FRYL: variants seen among roughly 807,000 people sequenced by gnomAD.
The protein encoded by FRYL is FRY like transcription coactivator, also known as protein furry homolog-like.
A neutral mutation model predicts 351.2 loss-of-function variants in FRYL; 150 were observed. The observed-to-expected ratio is 0.43, with a 90% confidence interval of 0.37 to 0.49. The LOEUF (loss-of-function observed/expected upper bound fraction) is 0.49, where lower values mean the gene tolerates loss of function less well. Ranked by LOEUF, FRYL falls within the 20% of genes least tolerant of loss-of-function variation. The pLI, the probability that FRYL is intolerant of heterozygous loss-of-function variation, is 0.00. For missense variants in FRYL, 3,036 were observed against 3,619.3 expected (o/e 0.84, Z 4.13); for synonymous variants, 1,153 against 1,257.1 (o/e 0.92, Z 1.75).
chr4:48,632,496 T>C (rs771483687), intron 4 of FRYL, among the ~76,000 whole-genome samples: 1 of 150,724 alleles, frequency 6.6e-6, no homozygotes, highest in Non-Finnish European at 1.5e-5. Context: ...ATCATGAACT[T>C]ATGCTATAGG....
chr4:48,664,313 G>A (rs1761351095), intron 3 of FRYL, among the ~76,000 whole-genome samples: 1 of 152,168 alleles, frequency 6.6e-6, no homozygotes, highest in African/African-American at 2.4e-5. Flanking sequence ...GGACACAGTG[G>A]AAGTCAATGG....
intron 1 of FRYL, among the ~76,000 whole-genome samples, chr4:48,742,075 G>A (rs879299824): frequency 9.8e-5 from 15 of 152,290 alleles, no homozygotes; most frequent in Admixed American, 8.5e-4. Context: ...TACCCCCCTG[G>A]AGGGGTATGT....
intron 4 of FRYL, among the ~76,000 whole-genome samples, chr4:48,632,556 T>C (rs1376178564): frequency 6.6e-6 from 1 of 150,592 alleles, no homozygotes; most frequent in Admixed American, 6.6e-5. Flanking sequence ...ATAATATATA[T>C]GCTGTCTATA....
At chr4:48,609,451 T>C (rs770908355) in intron 8 of FRYL, among the ~76,000 whole-genome samples, 2 of 151,880 alleles carry the variant, frequency 1.3e-5, no homozygotes, top group Non-Finnish European at 2.9e-5. Flanking sequence ...CAAAACTCTG[T>C]TTCTACAAAA....
intron 45 of FRYL, 74 bp from the exon 46 acceptor site, chr4:48,541,034 C>T (rs1730031791): frequency 7.3e-7 from 1 of 1,375,566 alleles, no homozygotes; most frequent in African/African-American, 1.5e-5. Context: ...CTTCTGAAAA[C>T]ACTGAAAAAT....
intron 1 of FRYL, among the ~76,000 whole-genome samples, chr4:48,765,017 G>T (rs1463390242): frequency 6.6e-6 from 1 of 151,994 alleles, no homozygotes; most frequent in African/African-American, 2.4e-5. Flanking sequence ...GCTAATTTTT[G>T]AATTTTTAGT....
intron 2 of FRYL, among the ~76,000 whole-genome samples, chr4:48,694,814 G>A (rs1765999122): frequency 1.3e-5 from 2 of 152,008 alleles, no homozygotes; most frequent in Non-Finnish European, 2.9e-5. Context: ...GCTCACTCCT[G>A]TAATCTCAGC....
chr4:48,548,628 A>G (rs1731965730), intron 40 of FRYL, 62 bp downstream of exon 40: 2 of 934,274 alleles, frequency 2.1e-6, no homozygotes, highest in Non-Finnish European at 3.4e-6. Flanking sequence ...TCATAAAACC[A>G]TACTGCTTTT....
intron 8 of FRYL, among the ~76,000 whole-genome samples, chr4:48,609,533 G>A (rs1747604015): frequency 6.6e-6 from 1 of 151,788 alleles, no homozygotes; most frequent in South Asian, 2.1e-4. Flanking sequence ...GAGTTGGGAG[G>A]ATCACTTGAG....
chr4:48,756,709 A>G (rs1773823605), intron 1 of FRYL, among the ~76,000 whole-genome samples: 1 of 152,160 alleles, frequency 6.6e-6, no homozygotes, highest in Admixed American at 6.5e-5. Flanking sequence ...GCACTTTGGG[A>G]GGTGGAGGTG....
intron 31 of FRYL, among the ~76,000 whole-genome samples, chr4:48,563,274 T>C (rs1192776254): frequency 4.1e-5 from 6 of 146,056 alleles, no homozygotes; most frequent in African/African-American, 1.5e-4. Flanking sequence ...AAACAGCTGA[T>C]GAACTAAAAA....
chr4:48,642,412 T>G (rs1755520773), intron 3 of FRYL, among the ~76,000 whole-genome samples: 1 of 152,182 alleles, frequency 6.6e-6, no homozygotes, highest in South Asian at 2.1e-4. Flanking sequence ...TAATTCTTAT[T>G]AATTCTATTC....
intron 1 of FRYL, among the ~76,000 whole-genome samples, chr4:48,743,799 C>G (rs1772377711): frequency 6.6e-6 from 1 of 152,236 alleles, no homozygotes; most frequent in South Asian, 2.1e-4. Flanking sequence ...CTGACCTTTT[C>G]AGAAGGGGGA....
At chr4:48,656,282 A>G (rs1180157172) in intron 3 of FRYL, among the ~76,000 whole-genome samples, 3 of 24,838 alleles carry the variant, frequency 1.2e-4, no homozygotes, top group African/African-American at 4.6e-4. Flanking sequence ...TCAAATATGA[A>G]TTCAAAATAA....
At position 48,698,106 on chromosome 4, in the gene FRYL, G is replaced by A. The variant is rs544730738; in HGVS notation, c.-204+12413C>T. On this transcript the variant is annotated intron_variant, in intron 2 of 63. Transcript: ENST00000358350. ...ACAAGCTGGAAAGGAGACATGGGCAGTAGCATGTTTCAAGTGCTTTGAGAG... is the reference window on the plus strand; with the variant it reads ...ACAAGCTGGAAAGGAGACATGGGCAATAGCATGTTTCAAGTGCTTTGAGAG... 1.4e-4 allele frequency among the ~76,000 whole-genome samples: 21 copies of A among 152,202 alleles called. 1 individual carries two copies. The highest frequency in any genetic ancestry group is 2.4e-4 in the Non-Finnish European group (16 of 68,036).
intron 62 of FRYL, among the ~76,000 whole-genome samples, chr4:48,500,752 GTT>G (rs1043510461): frequency 6.6e-6 from 1 of 152,120 alleles, no homozygotes; most frequent in Admixed American, 6.5e-5. Context: ...CATTCAAAGT[GTT>G]TTTTAACATG....
In FRYL at chr4:48,552,587, A is replaced by T. The variant is rs560283398; in HGVS notation, c.4435+628T>A. On this transcript the variant is annotated intron_variant, in intron 36 of 63. Transcript: ENST00000358350. ...TTTATAACTGTATTGGATACGAAAC[A>T]ACAGTCCAACTATGAAACATGAATA... Among the ~76,000 whole-genome samples, 3 of 152,264 alleles carry T rather than the reference A, an allele frequency of 2.0e-5. No individual in the cohort carries two copies. The East Asian group carries it at 5.8e-4, about 29-fold the overall frequency.
At chr4:48,542,935 GTAGTTTCCCA>G (rs1465022555) in intron 44 of FRYL, among the ~76,000 whole-genome samples, 8 of 152,088 alleles carry the variant, frequency 5.3e-5, no homozygotes, top group Admixed American at 2.0e-4. Flanking sequence ...AAATGTCTGA[GTAGTTTCCCA>G]TCAATTCAGA....
At chr4:48,750,414 T>C (rs968009352) in intron 1 of FRYL, among the ~76,000 whole-genome samples, 1 of 150,574 alleles carries the variant, frequency 6.6e-6, no homozygotes, top group Non-Finnish European at 1.5e-5. Context: ...TGAGTTGAGA[T>C]TACACCACTG....
Sources: gnomAD v4.1 joint callset for allele counts (sites outside exome capture counted in the v4.1 genomes callset) on GRCh38, gnomAD v4.1.1 for gene constraint, MANE v1.5 for transcripts, NCBI Gene and HGNC (gene_info 2026-07-23, HGNC 2026-07-21) for gene names.